The following KIAA1210 variants were observed in gnomAD, a reference collection of about 807,000 sequenced individuals.
The protein encoded by KIAA1210 is acrosomal protein KIAA1210.
A neutral mutation model predicts 78.9 loss-of-function variants in KIAA1210; 48 were observed. The observed-to-expected ratio is 0.61, with a 90% CI of 0.48 to 0.77. KIAA1210 has a LOEUF of 0.77. KIAA1210 is among the 30% of genes least tolerant of loss of function. The pLI is 0.00. For missense variants in KIAA1210, 1,108 were observed against 1,100.0 expected (o/e 1.01, Z -0.10); for synonymous variants, 406 against 404.5 (o/e 1.00, Z -0.04).
At position 119,085,503 on chromosome X, in the gene KIAA1210, C is replaced by A; in HGVS notation, c.4200G>T (p.Pro1400=). The change falls in exon 10 of 12, where the codon CCG becomes CCT. Residue 1400 remains proline (P), a synonymous_variant. Transcript: ENST00000691062. ...GQQSDYAVSE[P]VWITMAKQKQ... ...TCTGCTTTGCCATAGTTATCCAAACCGGCTCTGAGACAGCATAATCTGACT... is the reference window on the plus strand; with the variant it reads ...TCTGCTTTGCCATAGTTATCCAAACAGGCTCTGAGACAGCATAATCTGACT... The A allele has an allele frequency of 8.3e-7, 1 of 1,210,999 alleles. No homozygotes were observed. The highest frequency in any genetic ancestry group is 1.1e-6 in the Non-Finnish European group (1 of 895,037).
At chrX:119,116,759 T>C in intron 2 of KIAA1210, 95 bp from the exon 3 acceptor site, 1 of 798,325 alleles carries the variant, frequency 1.3e-6, no homozygotes, top group Non-Finnish European at 1.8e-6. Flanking sequence ...AGGACCATGA[T>C]CCCACCCAGG....
At position 119,088,662 on chromosome X, in the gene KIAA1210, A is replaced by G; in HGVS notation, c.2040T>C (p.Tyr680=). 3 of 1,211,265 alleles carry G rather than the reference A, an allele frequency of 2.5e-6. No homozygotes were observed. The South Asian group carries it at 5.3e-5, about 21-fold the overall frequency. Residue 680 remains tyrosine, a synonymous_variant, in exon 9 of 12, where the codon TAT becomes TAC. Coordinates refer to ENST00000691062, the MANE Select transcript of KIAA1210 (RefSeq NM_001394962.1). The part of the protein sequence containing the change: ...DAEVFTESSS[Y]VEKYNTSDDC... ...CATCAGAAGTGTTGTACTTTTCAAC[A>G]TAACTGCTTGATTCTGTGAAGACTT... is the stretch of plus-strand genomic sequence containing the variant.
At chrX:119,130,478 G>A (rs1450521434), upstream of KIAA1210, among the ~76,000 whole-genome samples, 2 of 112,917 alleles carry the variant, frequency 1.8e-5, no homozygotes, top group African/African-American at 6.4e-5. Context: ...CTTGAGAACA[G>A]TGACCATGTT....
At chrX:119,122,061 ATTTTT>A (rs781688572) in intron 2 of KIAA1210, among the ~76,000 whole-genome samples, 10 of 56,487 alleles carry the variant, frequency 1.8e-4, no homozygotes, top group East Asian at 1.8e-3. Context: ...CGCGCCCGGC[ATTTTT>A]TTTTTTTTTT....
chrX:119,122,880 T>G (rs1031591541), intron 2 of KIAA1210, among the ~76,000 whole-genome samples: 2 of 112,176 alleles, frequency 1.8e-5, no homozygotes, highest in African/African-American at 6.5e-5. Flanking sequence ...GGTTTCCCTC[T>G]GTTCTTCCAG....
chrX:119,085,461 C>A lies in KIAA1210; in HGVS notation c.4242G>T (p.Lys1414Asn), dbSNP rs774855069. The A allele has an allele frequency of 3.3e-6, 4 of 1,211,527 alleles. No individual in the cohort carries two copies. In the Middle Eastern group the frequency reaches 9.2e-4, roughly 278 times the overall value. The change falls in exon 10 of 12, where the codon AAG becomes AAT. Residue 1414 changes from lysine (K) to asparagine (N), a missense_variant. Physicochemically the swap from Lys to Asn is moderately conservative, Grantham distance 94. Around this residue, in one of 5 missense-constraint regions of KIAA1210, gnomAD observed 245 missense variants for 278.8 expected, o/e 0.88. Transcript: ENST00000691062. ...TMAKQKQKSF[K>N]AHISVKELKT... Reference sequence around the variant, plus strand: ...TCAGCTCTTTCACAGAAATGTGGGCCTTGAAACTCTTCTGCTTCTGCTTTG... The same window carrying A: ...TCAGCTCTTTCACAGAAATGTGGGCATTGAAACTCTTCTGCTTCTGCTTTG...
At chrX:119,093,125 G>A (rs1282607765) in intron 8 of KIAA1210, among the ~76,000 whole-genome samples, 1 of 112,230 alleles carries the variant, frequency 8.9e-6, no homozygotes, top group Non-Finnish European at 1.9e-5. Context: ...GATAGGTGTT[G>A]GCTGCCAAGG....
chrX:119,132,418 A>G (rs1928814656), upstream of KIAA1210, among the ~76,000 whole-genome samples: 1 of 111,620 alleles, frequency 9.0e-6, no homozygotes, highest in Non-Finnish European at 1.9e-5. Context: ...CAGACCTGGT[A>G]TAGAAGCACA....
rs754445886 is a variant in KIAA1210, at chrX:119,088,308, C to T, written c.2394G>A (p.Glu798=). The change falls in exon 9 of 12, where the codon GAG becomes GAA. Residue 798 remains glutamate (E), a synonymous_variant. Coordinates refer to ENST00000691062, the MANE Select transcript of KIAA1210 (RefSeq NM_001394962.1). The stretch of plus-strand genomic sequence containing the variant: ...GAGGCAGAGGCTTCATAGAAATGCT[C>T]TCTTCAACAGCCATGCTCTTTGGAG... ...SSSPKSMAVE[E]SISMKPLPPK... 8.3e-7 allele frequency: 1 copy of T among 1,211,112 alleles called. No homozygotes were observed. The highest frequency in any genetic ancestry group is 1.8e-5 in the South Asian group (1 of 56,911).
Position 119,087,188 on chromosome X carries a change from A to G in KIAA1210, c.3514T>C (p.Ser1172Pro), listed in dbSNP as rs1299752531. ...ACAGGTACATTCACTGGGCCCTTTG[A>G]TGACATCTGTGGCTGGAATTTAGAC... ...DRSKFQPQMS[S>P]KGPVNVPVKQ... Residue 1172 changes from serine to proline, a missense_variant, in exon 9 of 12, where the codon TCA (serine) becomes CCA (proline). Around this residue, in one of 5 missense-constraint regions of KIAA1210, gnomAD observed 245 missense variants for 278.8 expected, o/e 0.88. Coordinates refer to ENST00000691062, the MANE Select transcript of KIAA1210 (RefSeq NM_001394962.1). 4 of 1,209,907 alleles carry G rather than the reference A, an allele frequency of 3.3e-6. No homozygotes were observed. Among genetic ancestry groups the G allele is most frequent in the Non-Finnish European group, 4.5e-6 (4 of 895,170 alleles).
intron 1 of KIAA1210, among the ~76,000 whole-genome samples, chrX:119,127,376 G>A (rs1928677714): frequency 9.1e-6 from 1 of 110,188 alleles, no homozygotes; most frequent in East Asian, 2.8e-4. Flanking sequence ...GAAAGATGAG[G>A]GAGAACAAAG....
At chrX:119,121,572 G>GC (rs1928458388) in intron 2 of KIAA1210, among the ~76,000 whole-genome samples, 1 of 109,283 alleles carries the variant, frequency 9.2e-6, no homozygotes, top group Admixed American at 9.8e-5. Flanking sequence ...ATTGAAGGCT[G>GC]TTTTTTCTCC....
chrX:119,150,452 G>T, exon 1 of KIAA1210: 2 of 1,211,687 alleles, frequency 1.7e-6, no homozygotes, highest in Non-Finnish European at 2.2e-6. Context: ...ACAGCCTTGG[G>T]AATACGCTCG....
At chrX:119,100,187 G>A (rs1216044100) in intron 6 of KIAA1210, among the ~76,000 whole-genome samples, 3 of 109,448 alleles carry the variant, frequency 2.7e-5, no homozygotes, top group Admixed American at 9.8e-5. Context: ...AAAAATAGCC[G>A]GGCATGGTGG....
At chrX:119,144,932 C>G (rs1006816539) in intron 2 of KIAA1210, among the ~76,000 whole-genome samples, 18 of 111,930 alleles carry the variant, frequency 1.6e-4, no homozygotes, top group Non-Finnish European at 9.4e-5. Context: ...GACTATGCTC[C>G]ACTAGACCAT....
intron 5 of KIAA1210, among the ~76,000 whole-genome samples, chrX:119,108,099 A>G (rs746773193): frequency 9.0e-6 from 1 of 111,686 alleles, no homozygotes; most frequent in Non-Finnish European, 1.9e-5. Context: ...ACAATTTACT[A>G]CCAGGGTGGG....
chrX:119,128,373 G>A (rs914016868), upstream of KIAA1210, among the ~76,000 whole-genome samples: 1 of 110,400 alleles, frequency 9.1e-6, no homozygotes, highest in African/African-American at 3.3e-5. Context: ...CCTTACCATG[G>A]GCCTTATGTG....
chrX:119,095,634 C>T (rs1020538791), intron 7 of KIAA1210, among the ~76,000 whole-genome samples: 2 of 111,878 alleles, frequency 1.8e-5, no homozygotes, highest in Admixed American at 1.9e-4. Flanking sequence ...GTGATCCGCC[C>T]GCCTTGGCCT....
chrX:119,108,200 T>C (rs1313473807), intron 5 of KIAA1210, 137 bp downstream of exon 5: 2 of 532,485 alleles, frequency 3.8e-6, no homozygotes, highest in Non-Finnish European at 6.2e-6. Context: ...CCACTGTAGA[T>C]GAGGAAAAGA....
Sources: gnomAD v4.1 joint callset for allele counts (sites outside exome capture counted in the v4.1 genomes callset) on GRCh38, gnomAD v4.1.1 for gene constraint, gnomAD v4.1.1 regional missense constraint, MANE v1.5 for transcripts, NCBI Gene and HGNC (gene_info 2026-07-23, HGNC 2026-07-21) for gene names.